Variants in INPP5A observed in about 807,000 individuals in gnomAD.
INPP5A encodes 43 kDa inositol polyphosphate 5-phophatase.
INPP5A carries 14 observed loss-of-function variants against 65.2 expected under a neutral mutation model. The ratio of observed to expected loss-of-function variants is 0.21; its 90% CI spans 0.14 to 0.34. INPP5A has a LOEUF of 0.34. Ranked by LOEUF, INPP5A falls within the 10% of genes least tolerant of loss-of-function variation. INPP5A has a pLI of 1.00. For synonymous variants in INPP5A, 207 were observed against 208.3 expected, an observed-to-expected ratio of 0.99 and a Z score of 0.05; for missense variants, 431 against 545.6, an observed-to-expected ratio of 0.79 and a Z score of 2.09.
chr10:132,677,659 T>C (rs1213933271), intron 4 of INPP5A, among the ~76,000 whole-genome samples: 1 of 152,172 alleles, frequency 6.6e-6, no homozygotes, highest in Non-Finnish European at 1.5e-5. Context: ...TAATCGGAAA[T>C]GTTAACGGGC....
At chr10:132,712,775 T>C (rs1354898423) in intron 8 of INPP5A, among the ~76,000 whole-genome samples, 2 of 151,972 alleles carry the variant, frequency 1.3e-5, no homozygotes, top group East Asian at 3.9e-4. Flanking sequence ...TTTGGGTGTG[T>C]GCATGTGTGC....
Position 132,693,327 on chromosome 10 carries a change from G to A in INPP5A, c.370+2872G>A, listed in dbSNP as rs538061209. 7.9e-5 allele frequency among the ~76,000 whole-genome samples: 12 copies of A among 152,038 alleles called. No individual in the cohort carries two copies. The East Asian group carries it at 1.5e-3, about 20-fold the overall frequency. On this transcript the variant is annotated intron_variant, in intron 5 of 15. Transcript: ENST00000368594. Reference sequence around the variant, plus strand: ...TAAATATTACTCCAACTATATCAACGATCCCTTTAAATGTGAATGGTCTAA... The same window carrying A: ...TAAATATTACTCCAACTATATCAACAATCCCTTTAAATGTGAATGGTCTAA...
At chr10:132,557,129 C>T (rs1387012549) in intron 1 of INPP5A, among the ~76,000 whole-genome samples, 2 of 152,202 alleles carry the variant, frequency 1.3e-5, no homozygotes, top group African/African-American at 2.4e-5. Context: ...GCCTAAAGGC[C>T]GACGGGCCCG....
intron 4 of INPP5A, among the ~76,000 whole-genome samples, chr10:132,664,101 G>C (rs530989237): frequency 2.3e-4 from 35 of 152,204 alleles, no homozygotes; most frequent in Non-Finnish European, 4.6e-4. Flanking sequence ...TAAAGAAATA[G>C]CCATGGTTGA....
chr10:132,761,365 C>T (rs1431477769), intron 11 of INPP5A, among the ~76,000 whole-genome samples: 1 of 152,248 alleles, frequency 6.6e-6, no homozygotes, highest in Non-Finnish European at 1.5e-5. Flanking sequence ...TTTGACAGCA[C>T]TCTGGGTGCC....
At chr10:132,570,701 C>T (rs1266761894) in intron 1 of INPP5A, among the ~76,000 whole-genome samples, 2 of 151,842 alleles carry the variant, frequency 1.3e-5, no homozygotes, top group African/African-American at 2.4e-5. Context: ...AGTGCACCAA[C>T]AATAAAACCA....
chr10:132,645,375 C>T (rs890120189), intron 2 of INPP5A, among the ~76,000 whole-genome samples: 10 of 152,176 alleles, frequency 6.6e-5, no homozygotes, highest in Non-Finnish European at 1.5e-4. Flanking sequence ...CGTGAACACA[C>T]ATGCATACAC....
chr10:132,745,589 G>A (rs190076425), intron 9 of INPP5A, among the ~76,000 whole-genome samples: 339 of 152,338 alleles, frequency 2.2e-3, no homozygotes, highest in African/African-American at 7.7e-3. Flanking sequence ...CCGGGCCTCG[G>A]GTGTGGTGGG....
intron 8 of INPP5A, among the ~76,000 whole-genome samples, chr10:132,722,693 G>A (rs941730655): frequency 6.6e-6 from 1 of 152,202 alleles, no homozygotes; most frequent in African/African-American, 2.4e-5. Flanking sequence ...AGCAGCTGCT[G>A]GGACGATGAG....
chr10:132,630,809 C>CG (rs931266160), intron 2 of INPP5A, among the ~76,000 whole-genome samples: 1 of 138,646 alleles, frequency 7.2e-6, no homozygotes, highest in African/African-American at 2.6e-5. Context: ...GCGGGGGCGG[C>CG]GGGGGACGTG....
intron 11 of INPP5A, among the ~76,000 whole-genome samples, chr10:132,755,243 GAGC>G (rs1171276151): frequency 2.6e-5 from 4 of 151,750 alleles, no homozygotes; most frequent in Non-Finnish European, 5.9e-5. Flanking sequence ...GTACATGCAT[GAGC>G]AGGTGTGAGC....
intron 2 of INPP5A, among the ~76,000 whole-genome samples, chr10:132,617,138 G>C (rs1386655623): frequency 1.3e-5 from 2 of 152,162 alleles, no homozygotes; most frequent in Non-Finnish European, 2.9e-5. Context: ...GTTGGTGGCT[G>C]TATTGATTCT....
rs1226443345 is a variant in INPP5A, at chr10:132,546,043, C to T, written c.75+7872C>T. 6.6e-6 allele frequency among the ~76,000 whole-genome samples: 1 copy of T among 152,226 alleles called. No individual in the cohort carries two copies. Among genetic ancestry groups the T allele is most frequent in the Non-Finnish European group, 1.5e-5 (1 of 68,032 alleles). On this transcript the variant is annotated intron_variant, in intron 1 of 15. Coordinates refer to ENST00000368594, the MANE Select transcript of INPP5A (RefSeq NM_005539.5). The surrounding 1 kb of genome is among the most constrained non-coding windows in gnomAD (Gnocchi z 5.7). ...CCTGCTTGTGTACGGGGGCCGGCAG[C>T]ACCGTTGTGTTGGGATGAGTGGCCG...
At chr10:132,634,732 C>G (rs1031061411) in intron 2 of INPP5A, among the ~76,000 whole-genome samples, 1 of 152,246 alleles carries the variant, frequency 6.6e-6, no homozygotes, top group Non-Finnish European at 1.5e-5. Context: ...TCGGTCATCA[C>G]GAATGTTCTT....
chr10:132,689,294 C>T (rs1845214615), intron 4 of INPP5A, among the ~76,000 whole-genome samples: 1 of 152,166 alleles, frequency 6.6e-6, no homozygotes, highest in Admixed American at 6.5e-5. Flanking sequence ...AACGGTTGGG[C>T]TCCCTGCAGG....
chr10:132,560,489 G>T (rs1274902938), intron 1 of INPP5A, among the ~76,000 whole-genome samples: 1 of 152,116 alleles, frequency 6.6e-6, no homozygotes. Context: ...ATCTCCTGGT[G>T]GCTTTGAATT....
At chr10:132,743,752 G>A (rs899257944) in intron 9 of INPP5A, among the ~76,000 whole-genome samples, 5 of 152,338 alleles carry the variant, frequency 3.3e-5, no homozygotes, top group South Asian at 4.1e-4. Context: ...CTGACGGGCA[G>A]CCTCACTGGA....
chr10:132,592,852 T>C (rs1324080455), intron 1 of INPP5A, among the ~76,000 whole-genome samples: 1 of 152,218 alleles, frequency 6.6e-6, no homozygotes, highest in Non-Finnish European at 1.5e-5. Context: ...TGTTTCATGC[T>C]TCTGTAGGGT....
At chr10:132,667,548 C>CGGGCCT (rs1375701707) in intron 4 of INPP5A, among the ~76,000 whole-genome samples, 1 of 152,184 alleles carries the variant, frequency 6.6e-6, no homozygotes, top group East Asian at 1.9e-4. Context: ...CCCTGCACAG[C>CGGGCCT]GGGGCTGAAG....
Sources: gnomAD v4.1 joint callset for allele counts (sites outside exome capture counted in the v4.1 genomes callset) on GRCh38, gnomAD v4.1.1 for gene constraint, Gnocchi (gnomAD v3.1) non-coding constraint, MANE v1.5 for transcripts, NCBI Gene and HGNC (gene_info 2026-07-23, HGNC 2026-07-21) for gene names.